FSTL5: variants seen among roughly 807,000 people sequenced by gnomAD.
FSTL5 encodes follistatin-related protein 5.
A neutral mutation model predicts 89.1 loss-of-function variants in FSTL5; 62 were observed. The ratio of observed to expected loss-of-function variants is 0.70; its 90% CI spans 0.57 to 0.86. The LOEUF is 0.86. Among genes scored for constraint, FSTL5 ranks in the 40% least tolerant of loss-of-function variants. The probability of loss-of-function intolerance (pLI) is 0.00; values close to 1 mark genes in which losing one functional copy is unlikely to be tolerated. For missense variants in FSTL5, 1,057 were observed against 1,001.6 expected, an observed-to-expected ratio of 1.06 and a Z score of -0.75; for synonymous variants, 383 against 346.2, an observed-to-expected ratio of 1.11 and a Z score of -1.18.
rs187314581 is a variant in FSTL5, at chr4:161,956,412, G to A, written c.161-35760C>T. ...ATACTAAAAAGCAAATTTTGTAAAG[G>A]TATGAAAGTCTTATCCAAAGCCTCA... On this transcript the variant is annotated intron_variant, in intron 3 of 15. Transcript: ENST00000306100. Among the ~76,000 whole-genome samples the A allele has an allele frequency of 7.2e-5, 11 of 151,890 alleles. No homozygotes were observed. The East Asian group carries it at 2.1e-3, about 29-fold the overall frequency.
chr4:162,025,823 TATCATAGAAGTC>T (rs2111171394), intron 3 of FSTL5, among the ~76,000 whole-genome samples: 1 of 152,134 alleles, frequency 6.6e-6, no homozygotes, highest in South Asian at 2.1e-4. Context: ...ATCTACTTAG[TATCATAGAAGTC>T]ATAGGTATAA....
intron 7 of FSTL5, among the ~76,000 whole-genome samples, chr4:161,616,924 G>C (rs1378665371): frequency 6.7e-6 from 1 of 150,344 alleles, no homozygotes; most frequent in Admixed American, 6.7e-5. Flanking sequence ...TTATTATCTA[G>C]TATCCAATTA....
chr4:161,536,082 A>G (rs191647643), intron 10 of FSTL5, among the ~76,000 whole-genome samples: 2 of 152,170 alleles, frequency 1.3e-5, no homozygotes, highest in East Asian at 3.9e-4. Flanking sequence ...ACTGGGAACT[A>G]CTAAAGGAGC....
At chr4:161,435,098 A>G (rs972736146) in intron 15 of FSTL5, among the ~76,000 whole-genome samples, 8 of 152,114 alleles carry the variant, frequency 5.3e-5, no homozygotes, top group African/African-American at 1.9e-4. Flanking sequence ...AAAGGAAATC[A>G]GTATTTTGAA....
intron 3 of FSTL5, among the ~76,000 whole-genome samples, chr4:161,948,164 TC>T (rs1476934651): frequency 3.3e-5 from 5 of 151,614 alleles, no homozygotes; most frequent in African/African-American, 1.2e-4. Context: ...GCACTTATAG[TC>T]CCAGCTACTT....
At chr4:161,494,075 T>C (rs753188429) in intron 12 of FSTL5, among the ~76,000 whole-genome samples, 1 of 152,196 alleles carries the variant, frequency 6.6e-6, no homozygotes, top group Non-Finnish European at 1.5e-5. Context: ...TAAATTCATT[T>C]CTTTTTAAAT....
intron 3 of FSTL5, among the ~76,000 whole-genome samples, chr4:162,030,664 G>T (rs1317913394): frequency 6.6e-6 from 1 of 152,086 alleles, no homozygotes; most frequent in Admixed American, 6.6e-5. Context: ...CAAGAGCACA[G>T]GCACTTTCCA....
chr4:161,579,110 G>A (rs1323520082), intron 8 of FSTL5, among the ~76,000 whole-genome samples: 1 of 151,988 alleles, frequency 6.6e-6, no homozygotes, highest in African/African-American at 2.4e-5. Flanking sequence ...AACTTTTAAA[G>A]CAAAAATGGA....
intron 2 of FSTL5, among the ~76,000 whole-genome samples, chr4:162,055,783 T>C (rs922581001): frequency 1.3e-5 from 2 of 151,844 alleles, no homozygotes; most frequent in African/African-American, 4.8e-5. Context: ...ATTGCTAAAA[T>C]GGAGACACAA....
chr4:161,895,417 T>G lies in FSTL5; in HGVS notation c.409+24987A>C, dbSNP rs1177477795. Among the ~76,000 whole-genome samples the G allele has an allele frequency of 3.3e-5, 5 of 152,308 alleles. No individual in the cohort carries two copies. The East Asian group carries it at 9.7e-4, about 29-fold the overall frequency. On this transcript the variant is annotated intron_variant, in intron 4 of 15. Coordinates refer to ENST00000306100, the MANE Select transcript of FSTL5 (RefSeq NM_020116.5). ...GATGTGCTCAATTACATTGCAAGAC[T>G]TGCCTCGCTGTTAGTAAATAACAGG... is the stretch of plus-strand genomic sequence containing the variant.
intron 1 of FSTL5, among the ~76,000 whole-genome samples, chr4:162,124,182 G>A (rs1233015190): frequency 6.6e-6 from 1 of 152,166 alleles, no homozygotes; most frequent in East Asian, 1.9e-4. Context: ...GTGAACTTTT[G>A]AAATGACGCC....
chr4:162,020,742 A>G (rs1737053263), intron 3 of FSTL5, among the ~76,000 whole-genome samples: 1 of 152,118 alleles, frequency 6.6e-6, no homozygotes, highest in Non-Finnish European at 1.5e-5. Context: ...ACTAAAAGAA[A>G]AAAAACAGAA....
chr4:161,613,428 G>A (rs563618455), intron 7 of FSTL5, among the ~76,000 whole-genome samples: 5 of 147,958 alleles, frequency 3.4e-5, no homozygotes, highest in African/African-American at 5.0e-5. Flanking sequence ...CCAGTCTGGC[G>A]ACAGAGTGAG....
rs1365595405 is a variant in FSTL5 at position 161,669,013 on chromosome 4, G to A, written c.728-12519C>T. On this transcript the variant is annotated intron_variant, in intron 6 of 15. Coordinates refer to ENST00000306100, the MANE Select transcript of FSTL5 (RefSeq NM_020116.5). ...TATAATCCCAGCTGCTCAGGAGGCC[G>A]AGGCAGAAGAATTGCTTGAATCCAG... Among the ~76,000 whole-genome samples, 8 of 150,448 alleles carry A rather than the reference G, an allele frequency of 5.3e-5. No individual in the cohort carries two copies. In the South Asian group the frequency reaches 6.3e-4, roughly 12 times the overall value.
chr4:161,540,714 G>C (rs1731790110), intron 9 of FSTL5, among the ~76,000 whole-genome samples: 1 of 151,314 alleles, frequency 6.6e-6, no homozygotes, highest in African/African-American at 2.4e-5. Context: ...TTTCCTTTCA[G>C]AATCTGGCCA....
intron 15 of FSTL5, among the ~76,000 whole-genome samples, chr4:161,423,448 AT>A (rs934315870): frequency 6.6e-6 from 1 of 152,086 alleles, no homozygotes; most frequent in Non-Finnish European, 1.5e-5. Flanking sequence ...TGAATTTTAG[AT>A]TTTTTAAAAT....
At chr4:161,406,629 C>G (rs1193659758) in intron 15 of FSTL5, among the ~76,000 whole-genome samples, 2 of 152,090 alleles carry the variant, frequency 1.3e-5, no homozygotes, top group Admixed American at 6.5e-5. Flanking sequence ...AGTCTCTATT[C>G]CTGTTGAGCT....
At chr4:162,163,148 T>A (rs1733755819) in intron 1 of FSTL5, among the ~76,000 whole-genome samples, 1 of 152,126 alleles carries the variant, frequency 6.6e-6, no homozygotes. Flanking sequence ...AGTCTATGCT[T>A]TAGATATAGG....
intron 4 of FSTL5, among the ~76,000 whole-genome samples, chr4:161,809,765 C>T (rs1030039800): frequency 2.6e-5 from 4 of 152,144 alleles, no homozygotes; most frequent in African/African-American, 9.7e-5. Flanking sequence ...AATTATATAA[C>T]CTACCAAGAA....
Sources: allele counts gnomAD v4.1 joint callset (sites outside exome capture counted in the v4.1 genomes callset), GRCh38; gene constraint gnomAD v4.1.1; transcripts MANE v1.5; gene names NCBI Gene and HGNC (gene_info 2026-07-23, HGNC 2026-07-21).